SLC4A10: variants seen among roughly 807,000 people sequenced by gnomAD.
SLC4A10 encodes solute carrier family 4 member 10.
Under a neutral mutation model 137.7 loss-of-function variants are expected in SLC4A10, and 42 were observed. The ratio of observed to expected loss-of-function variants is 0.30; its 90% CI spans 0.24 to 0.39. The LOEUF is 0.39. SLC4A10 is among the 10% of genes least tolerant of loss of function. The pLI is 1.00. For missense variants in SLC4A10, 925 were observed against 1,355.0 expected, an observed-to-expected ratio of 0.68 and a Z score of 4.98; for synonymous variants, 474 against 464.1, an observed-to-expected ratio of 1.02 and a Z score of -0.27.
At chr2:161,661,363 T>A (rs1444388415) in intron 1 of SLC4A10, among the ~76,000 whole-genome samples, 1 of 152,188 alleles carries the variant, frequency 6.6e-6, no homozygotes, top group Admixed American at 6.5e-5. Flanking sequence ...TAGTCCCAGC[T>A]ACTCTGGAGG....
chr2:161,934,922 C>T (rs1006961950), intron 15 of SLC4A10, among the ~76,000 whole-genome samples: 7 of 152,018 alleles, frequency 4.6e-5, no homozygotes, highest in Non-Finnish European at 1.0e-4. Context: ...CTTGGCTATG[C>T]AGCTTTTTAG....
intron 22 of SLC4A10, 60 bp from the exon 23 acceptor site, chr2:161,964,991 A>C: frequency 6.5e-7 from 1 of 1,530,750 alleles, no homozygotes; most frequent in Non-Finnish European, 8.9e-7. Context: ...CATACAGGCA[A>C]ATCTACACCT....
intron 10 of SLC4A10, among the ~76,000 whole-genome samples, chr2:161,889,467 G>T (rs1575476887): frequency 6.6e-6 from 1 of 151,972 alleles, no homozygotes; most frequent in African/African-American, 2.4e-5. Context: ...AGAACTTGTT[G>T]TTGGCCTTTT....
intron 3 of SLC4A10, among the ~76,000 whole-genome samples, chr2:161,820,787 C>A (rs2057548685): frequency 6.6e-6 from 1 of 152,142 alleles, no homozygotes; most frequent in Non-Finnish European, 1.5e-5. Context: ...ATATGCATTT[C>A]TCATACCGAT....
At chr2:161,672,135 T>C (rs2039796941) in intron 1 of SLC4A10, among the ~76,000 whole-genome samples, 1 of 152,150 alleles carries the variant, frequency 6.6e-6, no homozygotes, top group African/African-American at 2.4e-5. Context: ...TGGTTTGGGA[T>C]CAGTTCATTA....
intron 15 of SLC4A10, among the ~76,000 whole-genome samples, chr2:161,919,283 G>A (rs1687706355): frequency 6.6e-6 from 1 of 152,180 alleles, no homozygotes; most frequent in Non-Finnish European, 1.5e-5. Context: ...AATGGCAGAA[G>A]GAGGCAGACA....
intron 21 of SLC4A10, among the ~76,000 whole-genome samples, chr2:161,963,143 G>A (rs1697011434): frequency 6.6e-6 from 1 of 151,974 alleles, no homozygotes; most frequent in African/African-American, 2.4e-5. Context: ...CTATCATGCA[G>A]TATGATTTGT....
intron 2 of SLC4A10, among the ~76,000 whole-genome samples, chr2:161,777,200 C>T (rs2052456701): frequency 6.6e-6 from 1 of 151,368 alleles, no homozygotes; most frequent in African/African-American, 2.4e-5. Context: ...TATAGGTTAA[C>T]ATGGCTGTTT....
At chr2:161,756,981 T>C (rs942769474) in intron 1 of SLC4A10, among the ~76,000 whole-genome samples, 3 of 152,158 alleles carry the variant, frequency 2.0e-5, no homozygotes. Flanking sequence ...AAAAAATCGC[T>C]AAGCTTTTGA....
chr2:161,681,190 C>G (rs1372309984), intron 1 of SLC4A10, among the ~76,000 whole-genome samples: 1 of 152,166 alleles, frequency 6.6e-6, no homozygotes, highest in Non-Finnish European at 1.5e-5. Flanking sequence ...ATAGTGGACT[C>G]TCAATCTTCC....
At chr2:161,631,531 G>A (rs1240122750) in intron 1 of SLC4A10, among the ~76,000 whole-genome samples, 1 of 151,576 alleles carries the variant, frequency 6.6e-6, no homozygotes, top group African/African-American at 2.4e-5. Flanking sequence ...AGGGTTTCAG[G>A]TTATTTGCAG....
intron 25 of SLC4A10, 104 bp downstream of exon 25, chr2:161,976,980 A>T (rs764646865): frequency 4.3e-4 from 259 of 608,236 alleles, no homozygotes; most frequent in Non-Finnish European, 6.4e-4. Context: ...TTAGATATAA[A>T]ATATTCCAGA....
intron 10 of SLC4A10, among the ~76,000 whole-genome samples, chr2:161,884,900 A>G (rs1447585033): frequency 6.6e-6 from 1 of 152,164 alleles, no homozygotes; most frequent in Non-Finnish European, 1.5e-5. Context: ...GTACTAGGCC[A>G]GGTGTAATGG....
chr2:161,901,825 AC>A (rs1683179399), intron 12 of SLC4A10, among the ~76,000 whole-genome samples: 1 of 152,064 alleles, frequency 6.6e-6, no homozygotes, highest in Non-Finnish European at 1.5e-5. Flanking sequence ...CAGGCTTGAT[AC>A]CTAATTTGAG....
chr2:161,866,759 A>G (rs1368216464), intron 6 of SLC4A10, among the ~76,000 whole-genome samples: 1 of 151,832 alleles, frequency 6.6e-6, no homozygotes, highest in Non-Finnish European at 1.5e-5. Context: ...TAGAAGACAA[A>G]TTTTATCAGT....
chr2:161,946,052 G>T (rs999671626), intron 16 of SLC4A10, among the ~76,000 whole-genome samples: 1 of 151,910 alleles, frequency 6.6e-6, no homozygotes, highest in South Asian at 2.1e-4. Flanking sequence ...AAAACACAAG[G>T]ATTCATTTTT....
intron 5 of SLC4A10, among the ~76,000 whole-genome samples, chr2:161,859,747 C>G (rs1202873752): frequency 6.6e-6 from 1 of 151,786 alleles, no homozygotes; most frequent in Admixed American, 6.6e-5. Flanking sequence ...ACTACAGGCG[C>G]CCGCCACCAC....
intron 2 of SLC4A10, among the ~76,000 whole-genome samples, chr2:161,792,594 C>G (rs548532181): frequency 1.3e-5 from 2 of 152,240 alleles, no homozygotes; most frequent in Admixed American, 1.3e-4. Context: ...AGAACTATAG[C>G]TTAAAAGCTC....
At chr2:161,869,418 A>G (rs1448850019) in intron 6 of SLC4A10, among the ~76,000 whole-genome samples, 1 of 151,694 alleles carries the variant, frequency 6.6e-6, no homozygotes, top group Admixed American at 6.6e-5. Flanking sequence ...ATATTTAAAC[A>G]ATGATTACAA....
Sources: gnomAD v4.1 joint callset for allele counts (sites outside exome capture counted in the v4.1 genomes callset) on GRCh38, gnomAD v4.1.1 for gene constraint, MANE v1.5 for transcripts, NCBI Gene and HGNC (gene_info 2026-07-23, HGNC 2026-07-21) for gene names.